The following ELP1 variants were observed in gnomAD, a reference collection of about 807,000 sequenced individuals.
ELP1 encodes elongator acetyltransferase complex subunit 1.
In ELP1, 131 loss-of-function variants were observed where a neutral mutation model predicts 183.2. The ratio of observed to expected loss-of-function variants is 0.72; its 90% confidence interval spans 0.62 to 0.83. The LOEUF (loss-of-function observed/expected upper bound fraction) is 0.83, where lower values mean the gene tolerates loss of function less well. Ranked by LOEUF, ELP1 falls within the 40% of genes least tolerant of loss-of-function variation. The pLI is 0.00. For missense variants in ELP1, 1,550 were observed against 1,594.9 expected (o/e 0.97, Z 0.48); for synonymous variants, 555 against 569.0 (o/e 0.98, Z 0.35).
chr9:108,889,525 ACCACAGAGTCCTATC>A lies in ELP1; in HGVS notation c.3161-147_3161-133del. The A allele has an allele frequency of 3.8e-6, 3 of 799,714 alleles. 1 individual carries two copies. Among genetic ancestry groups the A allele is most frequent in the Non-Finnish European group, 6.5e-6 (3 of 464,488 alleles). 49.5% of individuals were successfully genotyped at this position (799,714 alleles called of 1,614,324 possible). A position where few individuals can be genotyped will look rare whatever the true frequency, so the allele number is the denominator to read the frequency against. ...TTTCTGTGAGGGAATAGGTATATAC[ACCACAGAGTCCTATC>A]TTAAATGGCAGCTAGAATCTAAATT... On this transcript the variant is annotated intron_variant, in intron 28 of 36. Coordinates refer to ENST00000374647, the MANE Select transcript of ELP1 (RefSeq NM_003640.5).
At chr9:108,909,734 A>G (rs1829143077) in intron 12 of ELP1, among the ~76,000 whole-genome samples, 1 of 152,162 alleles carries the variant, frequency 6.6e-6, no homozygotes, top group East Asian at 1.9e-4. Flanking sequence ...CTCTGCCTCC[A>G]GGTGCCCCTG....
At chr9:108,903,417 C>A in intron 15 of ELP1, 146 bp downstream of exon 15, 2 of 666,116 alleles carry the variant, frequency 3.0e-6, no homozygotes, top group Admixed American at 4.6e-5. Flanking sequence ...AATACACTTG[C>A]CAATTCCACT....
chr9:108,919,911 C>T (rs906511767), intron 6 of ELP1, among the ~76,000 whole-genome samples: 4 of 152,122 alleles, frequency 2.6e-5, no homozygotes, highest in Admixed American at 2.0e-4. Context: ...CCAACTCTAC[C>T]GGGTGGGAGA....
chr9:108,928,382 C>T (rs1829886623), intron 3 of ELP1, among the ~76,000 whole-genome samples: 1 of 152,104 alleles, frequency 6.6e-6, no homozygotes, highest in Non-Finnish European at 1.5e-5. Context: ...AAGCAAAATG[C>T]GTCTCAGCAC....
At chr9:108,927,497 C>T in intron 3 of ELP1, 44 bp from the exon 4 acceptor site, 1 of 1,489,872 alleles carries the variant, frequency 6.7e-7, no homozygotes, top group Non-Finnish European at 9.4e-7. Context: ...ACACTAGCAT[C>T]TCAGTAAAAA....
chr9:108,875,802 A>G, intron 35 of ELP1: 1 of 351,136 alleles, frequency 2.8e-6, no homozygotes, highest in Non-Finnish European at 5.5e-6. Context: ...TACTCAGGAG[A>G]CTGCGGTGGG....
At chr9:108,870,619 A>C (rs1827413380) in intron 36 of ELP1, among the ~76,000 whole-genome samples, 1 of 152,130 alleles carries the variant, frequency 6.6e-6, no homozygotes. Flanking sequence ...AGAGGTGGGC[A>C]CACTCAGTGT....
Position 108,912,445 on chromosome 9 carries a change from T to C in ELP1, c.1008A>G (p.Leu336=). 1 of 1,614,118 alleles carries C rather than the reference T, an allele frequency of 6.2e-7. No individual in the cohort carries two copies. Among genetic ancestry groups the C allele is most frequent in the Non-Finnish European group, 8.5e-7 (1 of 1,180,022 alleles). Residue 336 remains leucine (L), a synonymous_variant, in exon 11 of 37, where the codon TTA becomes TTG. Coordinates refer to ENST00000374647, the MANE Select transcript of ELP1 (RefSeq NM_003640.5). ...GNYHWYLKQS[L]SFSTCGKSKI... is the part of the protein sequence containing the mutation. ...TGCTCTTCCCACAGGTGCTGAAGGA[T>C]AAACTTTGCTTGAGATACCAGTGAT... is the stretch of plus-strand genomic sequence containing the variant.
chr9:108,899,829 A>G lies in ELP1; in HGVS notation c.2197T>C (p.Leu733=), dbSNP rs1828699798. 8 of 1,613,868 alleles carry G rather than the reference A, an allele frequency of 5.0e-6. No homozygotes were observed. The highest frequency in any genetic ancestry group is 2.7e-5 in the African/African-American group (2 of 75,046). Residue 733 remains leucine (L), a synonymous_variant, in exon 20 of 37, where the codon TTG becomes CTG. Transcript: ENST00000374647. The stretch of plus-strand genomic sequence containing the variant: ...CAGTACAATGGCACTTACTTGTCCA[A>G]CCACTTCCGAATCTGAGCTAAAACC... ...ALVLAQIRKW[L]DKLMFKEAFE...
At chr9:108,882,332 G>C in intron 29 of ELP1, 145 bp from the exon 30 acceptor site, 4 of 669,142 alleles carry the variant, frequency 6.0e-6, no homozygotes, top group Non-Finnish European at 1.1e-5. Flanking sequence ...CTATCCTAGA[G>C]TTCATGACTC....
intron 13 of ELP1, among the ~76,000 whole-genome samples, chr9:108,907,782 G>T (rs1361872180): frequency 1.3e-5 from 2 of 152,016 alleles, no homozygotes; most frequent in African/African-American, 4.8e-5. Flanking sequence ...TTGGTTTCTA[G>T]GTCATTTTGC....
intron 1 of ELP1, among the ~76,000 whole-genome samples, chr9:108,933,247 T>C (rs1830057748): frequency 6.6e-6 from 1 of 152,222 alleles, no homozygotes; most frequent in Admixed American, 6.5e-5. Context: ...GCTGAAAAAC[T>C]GTCTTTGCTG....
chr9:108,907,095 C>G (rs1052029315), intron 13 of ELP1, among the ~76,000 whole-genome samples: 11 of 152,268 alleles, frequency 7.2e-5, no homozygotes, highest in Admixed American at 3.3e-4. Flanking sequence ...ACATCTCTCC[C>G]CGGACTCAGG....
intron 35 of ELP1, chr9:108,875,703 TG>T: frequency 2.4e-6 from 1 of 419,708 alleles, no homozygotes; most frequent in Non-Finnish European, 4.7e-6. Flanking sequence ...AAGACCAGCT[TG>T]GGCAACACAG....
At chr9:108,918,386 T>C (rs1197440512) in intron 8 of ELP1, among the ~76,000 whole-genome samples, 1 of 152,146 alleles carries the variant, frequency 6.6e-6, no homozygotes, top group African/African-American at 2.4e-5. Flanking sequence ...GATCCTCTGC[T>C]GTAGGAATTT....
Position 108,911,104 on chromosome 9 carries a change from G to T in ELP1, c.1266C>A (p.His422Gln), listed in dbSNP as rs775019079. ...PMCTYQLLFP[H>Q]PVNQVTFLAH... ...CTAAGAATGTGACTTGATTCACAGG[G>T]TGTGGGAACAGCAGTTGGTAGGTGC... The change falls in exon 12 of 37, where the codon CAC becomes CAA. Residue 422 changes from histidine to glutamine, a missense_variant. By Grantham distance (24) the His-to-Gln change is conservative (BLOSUM62 0). Transcript: ENST00000374647. 3 of 1,614,082 alleles carry T rather than the reference G, an allele frequency of 1.9e-6. No individual in the cohort carries two copies. Among genetic ancestry groups the T allele is most frequent in the Non-Finnish European group, 1.7e-6 (2 of 1,179,954 alleles).
At position 108,908,341 on chromosome 9, in the gene ELP1, A is replaced by G; in HGVS notation, c.1424T>C (p.Val475Ala). ...TTCCAAATGAGGAGTTCTAAGGCAAACTTTAAATCCACTTCCACCCACAGC... is the reference window on the plus strand; with the variant it reads ...TTCCAAATGAGGAGTTCTAAGGCAAGCTTTAAATCCACTTCCACCCACAGC... ...LGAVGGSGFK[V>A]CLRTPHLEKR... Residue 475 changes from valine to alanine, a missense_variant, in exon 13 of 37, where the codon GTT (valine) becomes GCT (alanine). Transcript: ENST00000374647. 1 of 1,614,150 alleles carries G rather than the reference A, an allele frequency of 6.2e-7. No individual in the cohort carries two copies. Among genetic ancestry groups the G allele is most frequent in the Non-Finnish European group, 8.5e-7 (1 of 1,179,986 alleles).
At chr9:108,908,833 C>G (rs1451402949) in intron 12 of ELP1, among the ~76,000 whole-genome samples, 1 of 152,206 alleles carries the variant, frequency 6.6e-6, no homozygotes, top group South Asian at 2.1e-4. Context: ...CCTCTGGTGG[C>G]TCCTATCTCA....
chr9:108,896,447 C>G, intron 25 of ELP1, 49 bp downstream of exon 25: 2 of 1,575,698 alleles, frequency 1.3e-6, no homozygotes, highest in Non-Finnish European at 8.7e-7. Context: ...TTCACACTAT[C>G]ATTATATAAA....
Sources: gnomAD v4.1 joint callset for allele counts (sites outside exome capture counted in the v4.1 genomes callset) on GRCh38, gnomAD v4.1.1 for gene constraint, MANE v1.5 for transcripts, NCBI Gene and HGNC (gene_info 2026-07-23, HGNC 2026-07-21) for gene names.